EPS8: variants seen among roughly 807,000 people sequenced by gnomAD.
The protein encoded by EPS8 is EGFR pathway substrate 8, signaling adaptor.
A neutral mutation model predicts 103.8 loss-of-function variants in EPS8; 42 were observed. The ratio of observed to expected loss-of-function variants is 0.40; its 90% CI spans 0.32 to 0.52. EPS8 has a LOEUF of 0.52. Among genes scored for constraint, EPS8 ranks in the 20% least tolerant of loss-of-function variants. The pLI, the probability that EPS8 is intolerant of heterozygous loss-of-function variation, is 0.40. For missense variants in EPS8, 969 were observed against 1,005.1 expected, an observed-to-expected ratio of 0.96 and a Z score of 0.49; for synonymous variants, 344 against 344.6, an observed-to-expected ratio of 1.00 and a Z score of 0.02.
In EPS8 at chr12:15,654,288, C is replaced by T. The variant is rs745416796; in HGVS notation, c.1107G>A (p.Val369=). 1.2e-5 allele frequency: 20 copies of T among 1,612,824 alleles called. No individual in the cohort carries two copies. In the Middle Eastern group the frequency reaches 6.6e-4, roughly 53 times the overall value. Reference sequence around the variant, plus strand: ...CTAGTTCAGGACCTCCTGTTGCCTGCACCACCTAAGATAATAAACCATTTT... The same window carrying T: ...CTAGTTCAGGACCTCCTGTTGCCTGTACCACCTAAGATAATAAACCATTTT... ...HFLFTPLNMV[V]QATGGPELAS... is the part of the protein sequence containing the mutation. Residue 369 remains valine (V), a synonymous_variant, in exon 13 of 21, where the codon GTG becomes GTA. Transcript: ENST00000281172.
At chr12:15,650,200 T>C (rs2135784012) in intron 14 of EPS8, among the ~76,000 whole-genome samples, 1 of 152,302 alleles carries the variant, frequency 6.6e-6, no homozygotes, top group South Asian at 2.1e-4. Flanking sequence ...CCTCAAGGTG[T>C]AGTTTTATAA....
rs754667955 is a variant in EPS8 at position 15,647,120 on chromosome 12, A to G, written c.1568+7T>C. The stretch of plus-strand genomic sequence containing the variant: ...CAGCTCTCCAAAGGGTGCCCATTAA[A>G]TGTTACCTATCTATATGGCGATTAG... On this transcript the variant is annotated splice_region_variant and intron_variant, in intron 15 of 20. Coordinates refer to ENST00000281172, the MANE Select transcript of EPS8 (RefSeq NM_004447.6). 1 of 1,612,052 alleles carries G rather than the reference A, an allele frequency of 6.2e-7. No homozygotes were observed. Among genetic ancestry groups the G allele is most frequent in the East Asian group, 2.2e-5 (1 of 44,860 alleles).
At chr12:15,640,647 G>C in intron 17 of EPS8, 56 bp downstream of exon 17, 3 of 1,504,228 alleles carry the variant, frequency 2.0e-6, no homozygotes, top group South Asian at 1.2e-5. Flanking sequence ...TCCTACTTAA[G>C]AGTGATAACT....
intron 1 of EPS8, among the ~76,000 whole-genome samples, chr12:15,740,152 T>G (rs1414443799): frequency 1.3e-5 from 2 of 152,116 alleles, no homozygotes; most frequent in Non-Finnish European, 2.9e-5. Flanking sequence ...AGATGCACAA[T>G]CTTATTGCAT....
In EPS8 at chr12:15,744,920, G is replaced by A. The variant is rs538594144; in HGVS notation, c.-22+44241C>T. On this transcript the variant is annotated intron_variant, in intron 1 of 20. Coordinates refer to ENST00000281172, the MANE Select transcript of EPS8 (RefSeq NM_004447.6). ...GAGACAGACTCTCGCTCTGTCACCA[G>A]GCTAGAGTGCAGTGGCGCGATCTCG... Among the ~76,000 whole-genome samples, 6 of 152,132 alleles carry A rather than the reference G, an allele frequency of 3.9e-5. No homozygotes were observed. The South Asian group carries it at 1.2e-3, about 32-fold the overall frequency.
At chr12:15,783,601 G>A (rs1947281524) in intron 1 of EPS8, among the ~76,000 whole-genome samples, 1 of 151,036 alleles carries the variant, frequency 6.6e-6, no homozygotes, top group Non-Finnish European at 1.5e-5. Context: ...CTTTATTCCA[G>A]ATCCTTTTTG....
chr12:15,755,655 C>G (rs1024756216), intron 1 of EPS8, among the ~76,000 whole-genome samples: 1 of 152,190 alleles, frequency 6.6e-6, no homozygotes, highest in African/African-American at 2.4e-5. Flanking sequence ...GTTCCCTCCT[C>G]GGCAAATCCT....
rs1358117024 is a variant in EPS8, at chr12:15,757,733, G to A, written c.-22+31428C>T. Among the ~76,000 whole-genome samples the A allele has an allele frequency of 1.3e-5, 2 of 152,190 alleles. No homozygotes were observed. The highest frequency in any genetic ancestry group is 4.8e-5 in the African/African-American group (2 of 41,440). Reference sequence around the variant, plus strand: ...ACACTGACATTACATGCCCCCTAATGTGATGCAACAGGAAATGCAGACCAT... The same window carrying A: ...ACACTGACATTACATGCCCCCTAATATGATGCAACAGGAAATGCAGACCAT... On this transcript the variant is annotated intron_variant, in intron 1 of 20. Coordinates refer to ENST00000281172, the MANE Select transcript of EPS8 (RefSeq NM_004447.6). This position sits in a 1 kb window ranked among gnomAD's most constrained non-coding sequence, Gnocchi z 4.1.
At position 15,742,480 on chromosome 12, in the gene EPS8, A is replaced by T. The variant is rs975889249; in HGVS notation, c.-22+46681T>A. 3.9e-5 allele frequency among the ~76,000 whole-genome samples: 6 copies of T among 152,316 alleles called. No individual in the cohort carries two copies. The East Asian group carries it at 1.2e-3, about 29-fold the overall frequency. On this transcript the variant is annotated intron_variant, in intron 1 of 20. Transcript: ENST00000281172. ...CAAAAAAAGAGAATTTTAGACCAAT[A>T]TCCCTAATGAACATCAATGCAAAAA...
At position 15,640,740 on chromosome 12, in the gene EPS8, A is replaced by G; in HGVS notation, c.1784T>C (p.Leu595Ser). 1 of 1,613,986 alleles carries G rather than the reference A, an allele frequency of 6.2e-7. No individual in the cohort carries two copies. The highest frequency in any genetic ancestry group is 8.5e-7 in the Non-Finnish European group (1 of 1,179,878). ...AGTATAAGGTGGATCAGCACGCCCC[A>G]ATCCAGATTCTGGAGGTCTCACAAT... ...LDIVRPPESG[L>S]GRADPPYTHT... Residue 595 changes from leucine to serine, a missense_variant, in exon 17 of 21, where the codon TTG becomes TCG. Transcript: ENST00000281172.
intron 1 of EPS8, among the ~76,000 whole-genome samples, chr12:15,770,849 C>A (rs981603601): frequency 2.0e-5 from 3 of 152,036 alleles, no homozygotes; most frequent in Non-Finnish European, 4.4e-5. Flanking sequence ...ATGTTACTGG[C>A]ACAAATCTCA....
chr12:15,750,201 T>G (rs559644669), intron 1 of EPS8, among the ~76,000 whole-genome samples: 1 of 152,320 alleles, frequency 6.6e-6, no homozygotes, highest in African/African-American at 2.4e-5. Flanking sequence ...TTTTAGTTCA[T>G]AGCTAACAAA....
Position 15,647,225 on chromosome 12 carries a change from G to C in EPS8, c.1470C>G (p.Gly490=). ...TGTAAATGTTGCTACTGAACGCATA[G>C]CCATCGGCTGGATGATACTCTGATA... ...SSVSEYHPAD[G]YAFSSNIYTR... Residue 490 remains glycine, a synonymous_variant, in exon 15 of 21, where the codon GGC becomes GGG. Transcript: ENST00000281172. 1 of 1,613,710 alleles carries C rather than the reference G, an allele frequency of 6.2e-7. No homozygotes were observed. Among genetic ancestry groups the C allele is most frequent in the Non-Finnish European group, 8.5e-7 (1 of 1,179,718 alleles).
chr12:15,733,744 T>C lies in EPS8; in HGVS notation c.-21-50772A>G, dbSNP rs1002043256. Among the ~76,000 whole-genome samples, 4 of 152,128 alleles carry C rather than the reference T, an allele frequency of 2.6e-5. No individual in the cohort carries two copies. Among genetic ancestry groups the C allele is most frequent in the African/African-American group, 9.7e-5 (4 of 41,434 alleles). ...TTTACTAAGCATCATACCACATATATCAAGGCATCCAGATGAATGATTAAA... is the reference window on the plus strand; with the variant it reads ...TTTACTAAGCATCATACCACATATACCAAGGCATCCAGATGAATGATTAAA... On this transcript the variant is annotated intron_variant, in intron 1 of 20. Transcript: ENST00000281172. This position sits in a 1 kb window ranked among gnomAD's most constrained non-coding sequence, Gnocchi z 4.8.
rs966833739 is a variant in EPS8 at position 15,621,311 on chromosome 12, A to G, written c.*6T>C. On this transcript the variant is annotated 3_prime_UTR_variant, in exon 21 of 21. Coordinates refer to ENST00000281172, the MANE Select transcript of EPS8 (RefSeq NM_004447.6). ...AAACAATGGAGTTTAAATACAAACA[A>G]ACAAATTAGTGACTGCTTCCTTCAT... 2.0e-6 allele frequency: 3 copies of G among 1,513,762 alleles called. No homozygotes were observed. In the Admixed American group the frequency reaches 5.9e-5, roughly 30 times the overall value. 93.8% of individuals were successfully genotyped at this position (1,513,762 alleles called of 1,614,324 possible).
In EPS8 at chr12:15,787,414, T is replaced by C. The variant is rs1947322327; in HGVS notation, c.-22+1747A>G. On this transcript the variant is annotated intron_variant, in intron 1 of 20. Coordinates refer to ENST00000281172, the MANE Select transcript of EPS8 (RefSeq NM_004447.6). This position sits in a 1 kb window ranked among gnomAD's most constrained non-coding sequence, Gnocchi z 4.9. ...TAAAAACAAAATAAATCTTTAAGTT[T>C]GATCACAAACAAGCAAAATATTCAA... Among the ~76,000 whole-genome samples the C allele has an allele frequency of 6.6e-6, 1 of 152,174 alleles. No individual in the cohort carries two copies. Among genetic ancestry groups the C allele is most frequent in the African/African-American group, 2.4e-5 (1 of 41,460 alleles).
chr12:15,759,028 T>C lies in EPS8; in HGVS notation c.-22+30133A>G, dbSNP rs541294434. Among the ~76,000 whole-genome samples, 3 of 152,260 alleles carry C rather than the reference T, an allele frequency of 2.0e-5. No individual in the cohort carries two copies. The South Asian group carries it at 6.2e-4, about 31-fold the overall frequency. On this transcript the variant is annotated intron_variant, in intron 1 of 20. Transcript: ENST00000281172. The surrounding 1 kb of genome is among the most constrained non-coding windows in gnomAD (Gnocchi z 4.9). ...CTGGATTCTTCTACAGATTTTTTTT[T>C]AAAATTTTTTAATTAAAAGATGCAG...
chr12:15,626,270 G>C (rs1385784833), intron 18 of EPS8, among the ~76,000 whole-genome samples: 1 of 152,068 alleles, frequency 6.6e-6, no homozygotes, highest in Non-Finnish European at 1.5e-5. Context: ...AGATCTCTCT[G>C]CTTCCACTCC....
chr12:15,657,670 A>G (rs1945531810), intron 12 of EPS8, among the ~76,000 whole-genome samples: 1 of 152,188 alleles, frequency 6.6e-6, no homozygotes, highest in Admixed American at 6.5e-5. Context: ...CCTCGATAAA[A>G]AGAACATGGG....
Sources: allele counts gnomAD v4.1 joint callset (sites outside exome capture counted in the v4.1 genomes callset), GRCh38; gene constraint gnomAD v4.1.1; non-coding constraint Gnocchi (gnomAD v3.1); transcripts MANE v1.5; gene names NCBI Gene and HGNC (gene_info 2026-07-23, HGNC 2026-07-21).